Variants in DNAJC11 observed in about 807,000 individuals in gnomAD.
DNAJC11 encodes the protein DnaJ heat shock protein family (Hsp40) member C11.
DNAJC11 carries 15 observed loss-of-function variants against 78.6 expected under a neutral mutation model. The observed-to-expected ratio is 0.19, with a 90% CI of 0.13 to 0.29. The LOEUF (loss-of-function observed/expected upper bound fraction) is 0.29. Ranked by LOEUF, DNAJC11 falls within the 10% of genes least tolerant of loss-of-function variation. The pLI is 1.00. For synonymous variants in DNAJC11, 292 were observed against 272.1 expected (o/e 1.07, Z -0.72); for missense variants, 547 against 709.6 (o/e 0.77, Z 2.60).
At chr1:6,694,408 A>G (rs1374141895) in intron 1 of DNAJC11, among the ~76,000 whole-genome samples, 1 of 152,140 alleles carries the variant, frequency 6.6e-6, no homozygotes, top group African/African-American at 2.4e-5. Flanking sequence ...GTACCCAGAT[A>G]GCAGGGGGAC....
intron 3 of DNAJC11, among the ~76,000 whole-genome samples, chr1:6,677,412 C>T (rs932122964): frequency 6.6e-6 from 1 of 152,030 alleles, no homozygotes; most frequent in South Asian, 2.1e-4. Flanking sequence ...CCCATCTCAG[C>T]CTCCTGAATA....
Position 6,634,310 on chromosome 1 carries a change from A to T in DNAJC11, c.*1365T>A. The T allele has an allele frequency of 1.0e-6, 1 of 961,692 alleles. No homozygotes were observed. Among genetic ancestry groups the T allele is most frequent in the Non-Finnish European group, 1.5e-6 (1 of 670,168 alleles). 59.6% of individuals were successfully genotyped at this position (961,692 alleles called of 1,614,324 possible). A position where few individuals can be genotyped will look rare whatever the true frequency, so the allele number is the denominator to read the frequency against. On this transcript the variant is annotated 3_prime_UTR_variant, in exon 16 of 16. Coordinates refer to ENST00000377577, the MANE Select transcript of DNAJC11 (RefSeq NM_018198.4). ...CCCAGGCTCATGCAACACGACGCTC[A>T]CCGCGGCTCGGGCCGTGGGGCCGTC...
chr1:6,638,394 T>A (rs1413227071), intron 11 of DNAJC11, 30 bp from the exon 12 acceptor site: 1 of 1,605,806 alleles, frequency 6.2e-7, no homozygotes, highest in East Asian at 2.2e-5. Context: ...AGCCCCACGT[T>A]AGCGCGGCGC....
intron 10 of DNAJC11, among the ~76,000 whole-genome samples, chr1:6,642,026 C>A (rs547869285): frequency 1.3e-3 from 196 of 152,190 alleles, no homozygotes; most frequent in African/African-American, 4.5e-3. Flanking sequence ...ACAGCAGATA[C>A]TTACAGGGAG....
chr1:6,682,936 AG>A (rs1382825707), intron 1 of DNAJC11, among the ~76,000 whole-genome samples: 1 of 152,094 alleles, frequency 6.6e-6, no homozygotes, highest in Admixed American at 6.5e-5. Flanking sequence ...GCTAGACCCA[AG>A]CCATTCAGCT....
chr1:6,637,020 TTC>T (rs1012616903), intron 14 of DNAJC11, among the ~76,000 whole-genome samples, 176 bp downstream of exon 14: 7 of 152,208 alleles, frequency 4.6e-5, no homozygotes, highest in African/African-American at 1.7e-4. Flanking sequence ...AGCTGATTTT[TTC>T]TCTTTTTTGT....
At chr1:6,686,353 C>T (rs1458742806) in intron 1 of DNAJC11, among the ~76,000 whole-genome samples, 2 of 152,276 alleles carry the variant, frequency 1.3e-5, no homozygotes, top group East Asian at 3.9e-4. Context: ...AATCCTAACA[C>T]CAAAAAGCTT....
chr1:6,662,112 C>T (rs1287659731), intron 4 of DNAJC11, among the ~76,000 whole-genome samples: 35 of 136,198 alleles, frequency 2.6e-4, no homozygotes, highest in African/African-American at 8.8e-4. Context: ...CCACCATGCC[C>T]AGTTAATTGT....
chr1:6,666,250 G>A (rs1187108835), intron 4 of DNAJC11, among the ~76,000 whole-genome samples: 3 of 152,144 alleles, frequency 2.0e-5, no homozygotes, highest in Non-Finnish European at 2.9e-5. Flanking sequence ...CAAAGAGATG[G>A]ACATGTTCTG....
Position 6,653,336 on chromosome 1 carries a change from G to A in DNAJC11, c.508-385C>T, listed in dbSNP as rs771140530. On this transcript the variant is annotated intron_variant, in intron 5 of 15. Coordinates refer to ENST00000377577, the MANE Select transcript of DNAJC11 (RefSeq NM_018198.4). The surrounding 1 kb of genome is among the most constrained non-coding windows in gnomAD (Gnocchi z 4.5). ...GCTGTATTCTGTATCAACTGACTCA[G>A]GGAGCTCCAAGAGGGGGCAAATTTC... Among the ~76,000 whole-genome samples the A allele has an allele frequency of 2.0e-5, 3 of 152,128 alleles. No individual in the cohort carries two copies. The highest frequency in any genetic ancestry group is 7.2e-5 in the African/African-American group (3 of 41,416).
intron 10 of DNAJC11, among the ~76,000 whole-genome samples, chr1:6,642,729 G>A (rs1170409913): frequency 6.6e-6 from 1 of 152,200 alleles, no homozygotes; most frequent in Non-Finnish European, 1.5e-5. Context: ...GGCAGAGCAG[G>A]TTCTGAAGGT....
intron 6 of DNAJC11, among the ~76,000 whole-genome samples, chr1:6,651,893 CAGG>C (rs1277164078): frequency 6.6e-6 from 1 of 152,226 alleles, no homozygotes; most frequent in East Asian, 1.9e-4. Flanking sequence ...AGGCTGAGGT[CAGG>C]AGACCAGCTG....
intron 7 of DNAJC11, chr1:6,651,259 G>T: frequency 1.6e-6 from 1 of 639,634 alleles, no homozygotes; most frequent in Non-Finnish European, 3.0e-6. Context: ...CTCTTTCTCC[G>T]TGGCCTTGTG....
intron 1 of DNAJC11, among the ~76,000 whole-genome samples, chr1:6,683,802 C>T (rs555215786): frequency 7.2e-5 from 11 of 152,314 alleles, no homozygotes; most frequent in Admixed American, 5.2e-4. Flanking sequence ...CACTTTTCTG[C>T]ATGTATATTC....
At chr1:6,639,460 G>C (rs544066904) in intron 11 of DNAJC11, among the ~76,000 whole-genome samples, 1 of 152,034 alleles carries the variant, frequency 6.6e-6, no homozygotes, top group Non-Finnish European at 1.5e-5. Context: ...CTCCCAGGTA[G>C]CTGGGATTAC....
chr1:6,657,418 C>G (rs994918183), intron 4 of DNAJC11, among the ~76,000 whole-genome samples: 5 of 152,156 alleles, frequency 3.3e-5, no homozygotes, highest in African/African-American at 4.8e-5. Context: ...GACCAGCCAG[C>G]CTTCTGAGGA....
chr1:6,636,568 A>C (rs1402876780), intron 14 of DNAJC11, among the ~76,000 whole-genome samples: 1 of 152,180 alleles, frequency 6.6e-6, no homozygotes, highest in African/African-American at 2.4e-5. Flanking sequence ...CACATGTTAC[A>C]AGTGACCTCA....
intron 3 of DNAJC11, among the ~76,000 whole-genome samples, chr1:6,677,606 G>C (rs1642484327): frequency 6.6e-6 from 1 of 152,170 alleles, no homozygotes; most frequent in African/African-American, 2.4e-5. Flanking sequence ...TCAGAACAAA[G>C]TTTCTTTAAT....
At chr1:6,671,509 T>TA (rs1418667392) in intron 3 of DNAJC11, among the ~76,000 whole-genome samples, 1 of 148,760 alleles carries the variant, frequency 6.7e-6, no homozygotes, top group Non-Finnish European at 1.5e-5. Context: ...GTGCTGGAAT[T>TA]AGAGGCGTGA....
Sources: gnomAD v4.1 joint callset for allele counts (sites outside exome capture counted in the v4.1 genomes callset) on GRCh38, gnomAD v4.1.1 for gene constraint, Gnocchi (gnomAD v3.1) non-coding constraint, MANE v1.5 for transcripts, NCBI Gene and HGNC (gene_info 2026-07-23, HGNC 2026-07-21) for gene names.